LRRTM4: variants seen among roughly 807,000 people sequenced by gnomAD.
LRRTM4 encodes the protein leucine rich repeat transmembrane neuronal 4.
Under a neutral mutation model 47.6 loss-of-function variants are expected in LRRTM4, and 25 were observed. The ratio of observed to expected loss-of-function variants is 0.53; its 90% CI spans 0.38 to 0.73. The LOEUF (loss-of-function observed/expected upper bound fraction) is 0.73. Ranked by LOEUF, LRRTM4 falls within the 30% of genes least tolerant of loss-of-function variation. The pLI is 0.00. For missense variants in LRRTM4, 638 were observed against 713.4 expected (o/e 0.89, Z 1.20); for synonymous variants, 311 against 269.5 (o/e 1.15, Z -1.51).
intron 3 of LRRTM4, among the ~76,000 whole-genome samples, chr2:77,402,047 A>G (rs1673980717): frequency 6.6e-6 from 1 of 152,036 alleles, no homozygotes; most frequent in South Asian, 2.1e-4. Context: ...GTGTGCATAA[A>G]ATGAGATAAT....
chr2:77,040,044 T>G (rs1006528722), intron 3 of LRRTM4, among the ~76,000 whole-genome samples: 1 of 151,234 alleles, frequency 6.6e-6, no homozygotes, highest in Non-Finnish European at 1.5e-5. Context: ...TCTTGATGTA[T>G]GTTGTAGCAT....
intron 3 of LRRTM4, among the ~76,000 whole-genome samples, chr2:76,937,238 G>T (rs1217718116): frequency 6.6e-6 from 1 of 152,112 alleles, no homozygotes; most frequent in South Asian, 2.1e-4. Flanking sequence ...TTAGCCATAA[G>T]TAGGAGGCAT....
chr2:76,750,198 G>C (rs982031261), intron 3 of LRRTM4, among the ~76,000 whole-genome samples: 1 of 152,148 alleles, frequency 6.6e-6, no homozygotes, highest in Non-Finnish European at 1.5e-5. Flanking sequence ...ACAGCAGCAG[G>C]TGCTGCCTCT....
chr2:77,307,515 C>T (rs114702047), intron 3 of LRRTM4, among the ~76,000 whole-genome samples: 4,498 of 139,058 alleles, frequency 0.032, 267 homozygotes, highest in African/African-American at 0.11. Flanking sequence ...ACACACACTA[C>T]ATATAGATAT....
intron 3 of LRRTM4, chr2:77,516,825 C>CTAG (rs1184498936): frequency 1.0e-6 from 1 of 983,778 alleles, no homozygotes; most frequent in African/African-American, 1.8e-5. Context: ...CCAAATTGTA[C>CTAG]TGAGTTAGAG....
At chr2:76,899,857 T>A (rs2103740320) in intron 3 of LRRTM4, among the ~76,000 whole-genome samples, 1 of 152,296 alleles carries the variant, frequency 6.6e-6, no homozygotes, top group South Asian at 2.1e-4. Flanking sequence ...CATTATGGAA[T>A]CCTCAAGGCA....
chr2:77,342,254 C>G (rs1268473003), intron 3 of LRRTM4, among the ~76,000 whole-genome samples: 1 of 151,914 alleles, frequency 6.6e-6, no homozygotes, highest in Non-Finnish European at 1.5e-5. Flanking sequence ...TGGTTTTCAA[C>G]CAGGGTGGTT....
intron 3 of LRRTM4, among the ~76,000 whole-genome samples, chr2:77,419,584 G>C (rs375456916): frequency 6.6e-6 from 1 of 152,108 alleles, no homozygotes; most frequent in African/African-American, 2.4e-5. Context: ...ATGTTCAATA[G>C]AGATGCAATT....
At chr2:77,074,185 ATTTTG>A (rs996085783) in intron 3 of LRRTM4, among the ~76,000 whole-genome samples, 12 of 151,940 alleles carry the variant, frequency 7.9e-5, no homozygotes, top group African/African-American at 2.9e-4. Flanking sequence ...TAATTTTATG[ATTTTG>A]TTTTATCATA....
chr2:77,005,167 CAG>C (rs1677592129), intron 3 of LRRTM4, among the ~76,000 whole-genome samples: 1 of 152,048 alleles, frequency 6.6e-6, no homozygotes, highest in African/African-American at 2.4e-5. Flanking sequence ...TTCTTTGAGA[CAG>C]AGTCTCACTC....
At chr2:76,897,278 G>A (rs1339580677) in intron 3 of LRRTM4, among the ~76,000 whole-genome samples, 1 of 152,064 alleles carries the variant, frequency 6.6e-6, no homozygotes, top group Non-Finnish European at 1.5e-5. Context: ...AAACTCCTGA[G>A]TGGATAGAGG....
intron 3 of LRRTM4, among the ~76,000 whole-genome samples, chr2:77,038,511 T>C (rs1203270368): frequency 6.6e-6 from 1 of 151,556 alleles, no homozygotes; most frequent in African/African-American, 2.4e-5. Flanking sequence ...GCATTGTGTA[T>C]GTCACATGCC....
chr2:77,385,872 C>T (rs1410782996), intron 3 of LRRTM4, among the ~76,000 whole-genome samples: 10 of 150,586 alleles, frequency 6.6e-5, no homozygotes, highest in East Asian at 2.0e-4. Context: ...CCCAGCCTCC[C>T]GACTAGCTGG....
At chr2:77,454,329 T>C (rs2103958032) in intron 3 of LRRTM4, among the ~76,000 whole-genome samples, 1 of 152,342 alleles carries the variant, frequency 6.6e-6, no homozygotes, top group South Asian at 2.1e-4. Flanking sequence ...AAGAATCTGC[T>C]TTTTTAGTAC....
chr2:77,415,589 G>A (rs1674607226), intron 3 of LRRTM4, among the ~76,000 whole-genome samples: 2 of 152,140 alleles, frequency 1.3e-5, no homozygotes, highest in Admixed American at 6.6e-5. Context: ...TTTGCCTGGA[G>A]CATTCTACTG....
intron 3 of LRRTM4, among the ~76,000 whole-genome samples, chr2:77,425,799 T>C (rs1176155158): frequency 6.6e-6 from 1 of 152,014 alleles, no homozygotes; most frequent in Admixed American, 6.6e-5. Flanking sequence ...CCTGTTTGAA[T>C]CTAGCTTCTA....
chr2:77,336,694 C>A (rs957503970), intron 3 of LRRTM4, among the ~76,000 whole-genome samples: 1 of 152,010 alleles, frequency 6.6e-6, no homozygotes, highest in Non-Finnish European at 1.5e-5. Context: ...CTCAACAAAC[C>A]TGGCTTTGAA....
intron 3 of LRRTM4, among the ~76,000 whole-genome samples, chr2:76,773,267 C>T (rs1673793367): frequency 6.6e-6 from 1 of 152,222 alleles, no homozygotes; most frequent in Admixed American, 6.5e-5. Context: ...TTATCATTCT[C>T]CACCATAATG....
At chr2:76,876,060 A>G (rs778830536) in intron 3 of LRRTM4, among the ~76,000 whole-genome samples, 132 of 152,130 alleles carry the variant, frequency 8.7e-4, no homozygotes, top group Non-Finnish European at 2.5e-4. Flanking sequence ...TCTCCAAGGA[A>G]TCTGCTCTCT....
Sources: allele counts gnomAD v4.1 joint callset (sites outside exome capture counted in the v4.1 genomes callset), GRCh38; gene constraint gnomAD v4.1.1; transcripts MANE v1.5; gene names NCBI Gene and HGNC (gene_info 2026-07-23, HGNC 2026-07-21).